The following KMT2E variants were observed in gnomAD, a reference collection of about 807,000 sequenced individuals.
KMT2E encodes histone reader KMT2E.
In KMT2E, 30 loss-of-function variants were observed where a neutral mutation model predicts 184.6. That is an observed-to-expected ratio of 0.16 (90% CI 0.12 to 0.22). The LOEUF is 0.22. Among genes scored for constraint, KMT2E ranks in the 10% least tolerant of loss-of-function variants. The probability of loss-of-function intolerance (pLI) is 1.00; values close to 1 mark genes in which losing one functional copy is unlikely to be tolerated. For synonymous variants in KMT2E, 815 were observed against 776.5 expected, an observed-to-expected ratio of 1.05 and a Z score of -0.82; for missense variants, 2,023 against 2,237.4, an observed-to-expected ratio of 0.90 and a Z score of 1.93.
chr7:105,027,491 T>G (rs1795220840), intron 1 of KMT2E, among the ~76,000 whole-genome samples: 1 of 152,226 alleles, frequency 6.6e-6, no homozygotes. Context: ...ATTGTGTGCT[T>G]TTTTTGAAGT....
intron 3 of KMT2E, among the ~76,000 whole-genome samples, chr7:105,057,631 T>C (rs976502768): frequency 2.6e-5 from 4 of 152,066 alleles, no homozygotes; most frequent in Non-Finnish European, 5.9e-5. Context: ...TTTTCATTTT[T>C]TGATAGAGGT....
At chr7:105,055,340 T>G (rs1005018405) in intron 3 of KMT2E, among the ~76,000 whole-genome samples, 3 of 151,554 alleles carry the variant, frequency 2.0e-5, no homozygotes, top group African/African-American at 7.3e-5. Flanking sequence ...AGGCGTGAGC[T>G]GTTGTGCCTG....
At position 105,113,679 on chromosome 7, in the gene KMT2E, A is replaced by G. The variant is rs534444037; in HGVS notation, c.*346A>G. ...TACACATTAAGTACTCAGCTAAGTAATGGCACTATGAGGATTTTTTTTTTC... is the reference window on the plus strand; with the variant it reads ...TACACATTAAGTACTCAGCTAAGTAGTGGCACTATGAGGATTTTTTTTTTC... On this transcript the variant is annotated 3_prime_UTR_variant, in exon 27 of 27. Transcript: ENST00000311117. 2 of 184,326 alleles carry G rather than the reference A, an allele frequency of 1.1e-5. No individual in the cohort carries two copies. Among genetic ancestry groups the G allele is most frequent in the African/African-American group, 4.7e-5 (2 of 42,552 alleles). 11.4% of individuals were successfully genotyped at this position (184,326 alleles called of 1,614,324 possible).
Position 105,102,041 on chromosome 7 carries a change from T to A in KMT2E, c.2043T>A (p.Ser681=). The A allele has an allele frequency of 6.2e-7, 1 of 1,613,974 alleles. No homozygotes were observed. Among genetic ancestry groups the A allele is most frequent in the East Asian group, 2.2e-5 (1 of 44,874 alleles). ...TGTGTTCAGATATCCAGCCATCTTC[T>A]CCTGATATAGAAGTTACTTCACAAC... is the stretch of plus-strand genomic sequence containing the variant. ...VSMCSDIQPS[S]PDIEVTSQQN... The change falls in exon 17 of 27, where the codon TCT becomes TCA. Residue 681 remains serine (S), a synonymous_variant. Transcript: ENST00000311117.
chr7:105,095,819 A>G (rs546943107), intron 15 of KMT2E, among the ~76,000 whole-genome samples: 1 of 152,222 alleles, frequency 6.6e-6, no homozygotes, highest in Non-Finnish European at 1.5e-5. Flanking sequence ...TCCTCCTAGT[A>G]TATTTGTGGA....
chr7:105,030,072 G>A (rs1795342701), intron 1 of KMT2E, among the ~76,000 whole-genome samples: 1 of 152,160 alleles, frequency 6.6e-6, no homozygotes, highest in Non-Finnish European at 1.5e-5. Context: ...ATCTAATTGT[G>A]GAAGCTATAC....
chr7:105,071,596 ATATATATATATATTTTTTTTT>A (rs1476740480), intron 6 of KMT2E, among the ~76,000 whole-genome samples: 2 of 59,934 alleles, frequency 3.3e-5, no homozygotes, highest in Non-Finnish European at 6.5e-5. Context: ...ATATATATAT[ATATATATATATATTTTTTTTT>A]TTTTTTTTTT....
chr7:105,107,997 TGTTAGATG>T, intron 22 of KMT2E, 72 bp downstream of exon 22: 1 of 1,039,828 alleles, frequency 9.6e-7, no homozygotes, highest in Non-Finnish European at 1.3e-6. Flanking sequence ...TGAGGGGAAT[TGTTAGATG>T]TATTATGTAA....
intron 9 of KMT2E, 21 bp downstream of exon 9, chr7:105,076,102 GTGT>G (rs745595301): frequency 1.9e-6 from 3 of 1,545,260 alleles, no homozygotes; most frequent in East Asian, 4.5e-5. Context: ...TAATTTTAAG[GTGT>G]TGTTATCAAC....
chr7:105,071,535 T>G, intron 6 of KMT2E, among the ~76,000 whole-genome samples: 1 of 144,168 alleles, frequency 6.9e-6, no homozygotes, highest in Admixed American at 7.0e-5. Flanking sequence ...CCTGCTAATT[T>G]GTGTGTGTAT....
chr7:105,050,665 T>TC (rs1554385539), intron 3 of KMT2E, among the ~76,000 whole-genome samples: 4 of 147,404 alleles, frequency 2.7e-5, no homozygotes, highest in East Asian at 2.2e-4. Flanking sequence ...TTTCTTTCTT[T>TC]TTTCTTTCTT....
At chr7:105,023,587 GGT>G (rs752487565) in intron 1 of KMT2E, among the ~76,000 whole-genome samples, 26 of 151,498 alleles carry the variant, frequency 1.7e-4, no homozygotes, top group Non-Finnish European at 3.1e-4. Flanking sequence ...AGGGACTACA[GGT>G]GCCCACCAGC....
chr7:105,059,978 G>GTTTTTTTTTTTTTTTTTTTTT (rs67291226), intron 3 of KMT2E, among the ~76,000 whole-genome samples: 6 of 51,764 alleles, frequency 1.2e-4, no homozygotes, highest in African/African-American at 2.9e-4. Context: ...TCTTGTTGTT[G>GTTTTTTTTTTTTTTTTTTTTT]TTTTTTTTTT....
intron 1 of KMT2E, among the ~76,000 whole-genome samples, chr7:105,025,294 A>G (rs576956731): frequency 2.0e-5 from 3 of 152,236 alleles, no homozygotes; most frequent in Admixed American, 2.0e-4. Flanking sequence ...AAATGGAGAT[A>G]ATAATAGAGC....
chr7:105,109,229 G>A lies in KMT2E; in HGVS notation c.3755+1G>A, dbSNP rs1799062093. 6.2e-7 allele frequency: 1 copy of A among 1,612,994 alleles called. No homozygotes were observed. The highest frequency in any genetic ancestry group is 1.3e-5 in the African/African-American group (1 of 74,924). ...AGAAGAATGAACCAGAAGTTCAATG[G>A]TAAGCCCATTGTGAAGTATGCTACT... On this transcript the variant is annotated splice_donor_variant, in intron 23 of 26. Coordinates refer to ENST00000311117, the MANE Select transcript of KMT2E (RefSeq NM_182931.3). LOFTEE classifies it high-confidence loss of function.
intron 20 of KMT2E, 66 bp downstream of exon 20, chr7:105,106,838 C>G: frequency 4.1e-6 from 6 of 1,477,984 alleles, no homozygotes; most frequent in Non-Finnish European, 5.6e-6. Context: ...TTTAAGAGCT[C>G]TTTCCCCTCC....
intron 15 of KMT2E, among the ~76,000 whole-genome samples, chr7:105,099,624 T>C (rs1180406560): frequency 1.3e-5 from 2 of 152,182 alleles, no homozygotes; most frequent in African/African-American, 4.8e-5. Context: ...TAAATTCATA[T>C]TTACCTTACA....
intron 23 of KMT2E, 29 bp from the exon 24 acceptor site, chr7:105,110,251 T>C (rs1799155122): frequency 1.3e-6 from 2 of 1,566,986 alleles, no homozygotes; most frequent in African/African-American, 1.4e-5. Context: ...TTTCTTTCAA[T>C]AGAGGATAAT....
At chr7:105,023,594 A>T (rs1007365832) in intron 1 of KMT2E, among the ~76,000 whole-genome samples, 1 of 151,268 alleles carries the variant, frequency 6.6e-6, no homozygotes, top group African/African-American at 2.4e-5. Flanking sequence ...ACAGGTGCCC[A>T]CCAGCAGGCC....
Sources: allele counts gnomAD v4.1 joint callset (sites outside exome capture counted in the v4.1 genomes callset), GRCh38; gene constraint gnomAD v4.1.1; transcripts MANE v1.5; gene names NCBI Gene and HGNC (gene_info 2026-07-23, HGNC 2026-07-21).